PLPPR5: variants seen among roughly 807,000 people sequenced by gnomAD.
PLPPR5 encodes the protein phospholipid phosphatase-related protein type 5.
In PLPPR5, 16 loss-of-function variants were observed where a neutral mutation model predicts 33.9. That is an observed-to-expected ratio of 0.47 (90% confidence interval 0.32 to 0.72). The LOEUF (loss-of-function observed/expected upper bound fraction) is 0.72, where lower values mean the gene tolerates loss of function less well. PLPPR5 is among the 30% of genes least tolerant of loss of function. The probability of loss-of-function intolerance (pLI) is 0.03; values close to 1 mark genes in which losing one functional copy is unlikely to be tolerated. For synonymous variants in PLPPR5, 163 were observed against 150.3 expected, an observed-to-expected ratio of 1.08 and a Z score of -0.62; for missense variants, 301 against 406.7, an observed-to-expected ratio of 0.74 and a Z score of 2.23.
chr1:98,958,583 G>A (rs1441825514), intron 1 of PLPPR5, among the ~76,000 whole-genome samples: 1 of 152,142 alleles, frequency 6.6e-6, no homozygotes, highest in African/African-American at 2.4e-5. Context: ...TAGAGCGGAT[G>A]TGTGATGAAA....
At chr1:98,951,874 T>G (rs1650797010) in intron 3 of PLPPR5, among the ~76,000 whole-genome samples, 1 of 152,194 alleles carries the variant, frequency 6.6e-6, no homozygotes, top group Non-Finnish European at 1.5e-5. Context: ...GGTTTCGAAT[T>G]GGTCCTGAGA....
intron 1 of PLPPR5, among the ~76,000 whole-genome samples, chr1:98,962,596 C>G (rs757239741): frequency 8.5e-5 from 13 of 152,158 alleles, no homozygotes; most frequent in Non-Finnish European, 1.3e-4. Flanking sequence ...GCTCTTCAAA[C>G]TGTTACTGTC....
intron 1 of PLPPR5, among the ~76,000 whole-genome samples, chr1:98,958,141 A>G (rs1275396966): frequency 6.6e-6 from 1 of 152,212 alleles, no homozygotes; most frequent in Non-Finnish European, 1.5e-5. Context: ...GTCATTGTGA[A>G]GTTTGCTTTT....
upstream of PLPPR5, chr1:99,004,952 G>A (rs1295090142): frequency 6.1e-6 from 1 of 164,110 alleles, no homozygotes; most frequent in East Asian, 1.8e-4. Flanking sequence ...GCGGGGTCGC[G>A]AGGGAGGGCG....
chr1:98,914,459 A>G (rs1434939348), intron 5 of PLPPR5, among the ~76,000 whole-genome samples: 1 of 151,728 alleles, frequency 6.6e-6, no homozygotes, highest in East Asian at 1.9e-4. Context: ...TAATTTTTGT[A>G]TTTTTTTGGT....
chr1:98,924,995 A>G (rs1191693775), intron 3 of PLPPR5, among the ~76,000 whole-genome samples: 2 of 152,228 alleles, frequency 1.3e-5, no homozygotes, highest in Non-Finnish European at 2.9e-5. Context: ...GTTGGCATGG[A>G]TGTTACAAAA....
chr1:98,953,141 T>C lies in PLPPR5; in HGVS notation c.550A>G (p.Ile184Val). The change falls in exon 3 of 6, where the codon ATC becomes GTC. Residue 184 changes from isoleucine to valine, a missense_variant. Transcript: ENST00000263177. The part of the protein sequence containing the change: ...EEACTGNPDL[I>V]MRARKTFPSK... ...GGAAAGGTTTTTCGGGCTCTCATGA[T>C]GAGATCTGGGTTGCCAGTACAGGCC... The C allele has an allele frequency of 6.2e-7, 1 of 1,606,186 alleles. No individual in the cohort carries two copies. The highest frequency in any genetic ancestry group is 8.5e-7 in the Non-Finnish European group (1 of 1,173,600).
At chr1:98,908,465 T>C (rs955001746) in intron 5 of PLPPR5, among the ~76,000 whole-genome samples, 3 of 152,226 alleles carry the variant, frequency 2.0e-5, no homozygotes, top group Non-Finnish European at 4.4e-5. Context: ...AATTTGTTTC[T>C]TGGACTCCTA....
At position 98,900,609 on chromosome 1, in the gene PLPPR5, T is replaced by C. The variant is rs116123450; in HGVS notation, c.934-7505A>G. Among the ~76,000 whole-genome samples the C allele has an allele frequency of 6.0e-3, 909 of 152,324 alleles. 11 individuals carry two copies. Among genetic ancestry groups the C allele is most frequent in the African/African-American group, 0.021 (874 of 41,592 alleles). On this transcript the variant is annotated intron_variant, in intron 5 of 5. Transcript: ENST00000263177. ...AATTGTATCCATGCCTTGTTTTATATACTAATACTTTAACCTATAAAATTG... is the reference window on the plus strand; with the variant it reads ...AATTGTATCCATGCCTTGTTTTATACACTAATACTTTAACCTATAAAATTG...
At chr1:98,921,721 A>G (rs181322009) in intron 4 of PLPPR5, among the ~76,000 whole-genome samples, 161 bp downstream of exon 4, 12 of 152,136 alleles carry the variant, frequency 7.9e-5, no homozygotes, top group Admixed American at 7.9e-4. Flanking sequence ...GGGGAGGAGG[A>G]AGAAATGAAT....
intron 5 of PLPPR5, among the ~76,000 whole-genome samples, chr1:98,907,435 C>G (rs1331628778): frequency 6.6e-6 from 1 of 152,064 alleles, no homozygotes; most frequent in Non-Finnish European, 1.5e-5. Flanking sequence ...CTCAGGTGAT[C>G]CACCTGCCTT....
chr1:98,917,650 C>T (rs982031508), intron 4 of PLPPR5, among the ~76,000 whole-genome samples: 2 of 152,188 alleles, frequency 1.3e-5, no homozygotes, highest in Non-Finnish European at 2.9e-5. Context: ...CATGATATCT[C>T]GTCTCAGCTT....
At chr1:98,973,577 A>C (rs2100745554) in intron 1 of PLPPR5, among the ~76,000 whole-genome samples, 1 of 152,140 alleles carries the variant, frequency 6.6e-6, no homozygotes. Flanking sequence ...CATTCAAACT[A>C]CTATTTTTGA....
At position 98,929,359 on chromosome 1, in the gene PLPPR5, A is replaced by G. The variant is rs547440168; in HGVS notation, c.622-7301T>C. Among the ~76,000 whole-genome samples, 14 of 152,366 alleles carry G rather than the reference A, an allele frequency of 9.2e-5. No individual in the cohort carries two copies. In the South Asian group the frequency reaches 2.9e-3, roughly 32 times the overall value. Reference sequence around the variant, plus strand: ...ATACATGTGTTAGGAGAAATAATGTATTCTAACTTATGGGCATGGGGATAA... The same window carrying G: ...ATACATGTGTTAGGAGAAATAATGTGTTCTAACTTATGGGCATGGGGATAA... On this transcript the variant is annotated intron_variant, in intron 3 of 5. Coordinates refer to ENST00000263177, the MANE Select transcript of PLPPR5 (RefSeq NM_001037317.2).
chr1:98,913,041 C>A (rs1649210261), intron 5 of PLPPR5, among the ~76,000 whole-genome samples: 1 of 151,902 alleles, frequency 6.6e-6, no homozygotes, highest in Admixed American at 6.6e-5. Context: ...AGAGTTTTTT[C>A]TTCTTTCTAG....
intron 1 of PLPPR5, among the ~76,000 whole-genome samples, chr1:98,965,015 G>C (rs1267076852): frequency 7.9e-6 from 1 of 126,852 alleles, no homozygotes; most frequent in Non-Finnish European, 1.6e-5. Flanking sequence ...ATTTCATCAT[G>C]TTGCCCAGGC....
intron 3 of PLPPR5, among the ~76,000 whole-genome samples, chr1:98,938,753 A>G (rs1399212933): frequency 6.6e-6 from 1 of 152,120 alleles, no homozygotes; most frequent in Non-Finnish European, 1.5e-5. Context: ...AGACTGGATA[A>G]AGAATATGTA....
chr1:98,942,238 A>T (rs1290466377), intron 3 of PLPPR5, among the ~76,000 whole-genome samples: 1 of 151,944 alleles, frequency 6.6e-6, no homozygotes, highest in African/African-American at 2.4e-5. Context: ...CCTGGTTAAT[A>T]TTTTTTTGTA....
chr1:98,994,738 G>T (rs533035192), intron 1 of PLPPR5, among the ~76,000 whole-genome samples: 7 of 152,090 alleles, frequency 4.6e-5, no homozygotes, highest in Non-Finnish European at 1.0e-4. Flanking sequence ...TTTGCTATCT[G>T]CATGTTAATT....
Sources: allele counts gnomAD v4.1 joint callset (sites outside exome capture counted in the v4.1 genomes callset), GRCh38; gene constraint gnomAD v4.1.1; transcripts MANE v1.5; gene names NCBI Gene and HGNC (gene_info 2026-07-23, HGNC 2026-07-21).